Variants in ADAMTSL1 observed in about 807,000 individuals in gnomAD.
ADAMTSL1 encodes ADAMTS-like protein 1.
In ADAMTSL1, 126 loss-of-function variants were observed where a neutral mutation model predicts 201.8. The ratio of observed to expected loss-of-function variants is 0.62; its 90% CI spans 0.54 to 0.72. ADAMTSL1 has a LOEUF of 0.72. Among genes scored for constraint, ADAMTSL1 ranks in the 30% least tolerant of loss-of-function variants. ADAMTSL1 has a pLI of 0.00. For missense variants in ADAMTSL1, 2,679 were observed against 2,277.8 expected (o/e 1.18, Z -3.59); for synonymous variants, 1,121 against 903.4 (o/e 1.24, Z -4.32).
chr9:17,934,917 A>AAC (rs1368022574), intron 1 of ADAMTSL1, among the ~76,000 whole-genome samples: 3 of 152,030 alleles, frequency 2.0e-5, no homozygotes, highest in African/African-American at 7.2e-5. Context: ...AAAAAAAAAA[A>AAC]AAAACTTCTG....
chr9:18,412,983 A>G (rs894480615), intron 2 of ADAMTSL1, among the ~76,000 whole-genome samples: 1 of 152,024 alleles, frequency 6.6e-6, no homozygotes, highest in Non-Finnish European at 1.5e-5. Context: ...TGTGTTTTCT[A>G]TACACATTGC....
At chr9:18,626,241 A>G (rs1587734212) in intron 5 of ADAMTSL1, among the ~76,000 whole-genome samples, 1 of 152,332 alleles carries the variant, frequency 6.6e-6, no homozygotes, top group Admixed American at 6.5e-5. Context: ...TTATCTTCCT[A>G]GGAGCCATGG....
chr9:18,038,328 C>T (rs1312910051), intron 1 of ADAMTSL1, among the ~76,000 whole-genome samples: 3 of 152,100 alleles, frequency 2.0e-5, no homozygotes, highest in South Asian at 2.1e-4. Flanking sequence ...ATGGTCCATT[C>T]TCTCTATACT....
rs1825300572 is a variant in ADAMTSL1 at position 18,610,484 on chromosome 9, G to A, written c.475-11759G>A. Among the ~76,000 whole-genome samples, 3 of 152,260 alleles carry A rather than the reference G, an allele frequency of 2.0e-5. No homozygotes were observed. The South Asian group carries it at 6.2e-4, about 32-fold the overall frequency. ...TTCTCTCCAGGCTCTACCCTAAAGAGACCCAATTTAGACAGATAGAAATGG... is the reference window on the plus strand; with the variant it reads ...TTCTCTCCAGGCTCTACCCTAAAGAAACCCAATTTAGACAGATAGAAATGG... On this transcript the variant is annotated intron_variant, in intron 4 of 28. Coordinates refer to ENST00000380548, the MANE Select transcript of ADAMTSL1 (RefSeq NM_001040272.6).
chr9:18,584,426 C>G (rs1823341919), intron 4 of ADAMTSL1, among the ~76,000 whole-genome samples: 1 of 152,088 alleles, frequency 6.6e-6, no homozygotes, highest in Non-Finnish European at 1.5e-5. Flanking sequence ...GTAAATTGCT[C>G]AGTCTCAGGT....
intron 3 of ADAMTSL1, among the ~76,000 whole-genome samples, chr9:18,549,822 G>C (rs1277354889): frequency 6.6e-6 from 1 of 151,912 alleles, no homozygotes. Context: ...CTAAAATCTT[G>C]CTTCTCAAAA....
Position 18,784,882 on chromosome 9 carries a change from G to A in ADAMTSL1, c.3677+6976G>A, listed in dbSNP as rs544661669. Among the ~76,000 whole-genome samples the A allele has an allele frequency of 2.0e-5, 3 of 152,278 alleles. No homozygotes were observed. In the South Asian group the frequency reaches 6.2e-4, roughly 32 times the overall value. ...CTCTCACTTAAAAAGTAATCGAGCT[G>A]GGGTGAGGCGCGGTGGCTCACGCCT... is the stretch of plus-strand genomic sequence containing the variant. On this transcript the variant is annotated intron_variant, in intron 19 of 28. Coordinates refer to ENST00000380548, the MANE Select transcript of ADAMTSL1 (RefSeq NM_001040272.6).
At chr9:18,782,079 C>A (rs1213021634) in intron 19 of ADAMTSL1, among the ~76,000 whole-genome samples, 1 of 152,166 alleles carries the variant, frequency 6.6e-6, no homozygotes, top group African/African-American at 2.4e-5. Flanking sequence ...ATCCCTACTT[C>A]CTTTTTCCTT....
chr9:18,352,566 T>C (rs1372148128), intron 2 of ADAMTSL1, among the ~76,000 whole-genome samples: 2 of 152,198 alleles, frequency 1.3e-5, no homozygotes, highest in Admixed American at 1.3e-4. Context: ...TTCCTTTCTA[T>C]CCCAGTGTTA....
chr9:18,906,129 G>GTGT (rs1830298015), intron 27 of ADAMTSL1, among the ~76,000 whole-genome samples: 1 of 152,176 alleles, frequency 6.6e-6, no homozygotes, highest in African/African-American at 2.4e-5. Flanking sequence ...GAGTGCAAGG[G>GTGT]TGTTATTCTT....
In ADAMTSL1 at chr9:18,777,060, T is replaced by G; in HGVS notation, c.2831T>G (p.Val944Gly). 6.2e-7 allele frequency: 1 copy of G among 1,613,278 alleles called. No homozygotes were observed. The change falls in exon 19 of 29, where the codon GTC becomes GGC. Residue 944 changes from valine (V) to glycine (G), a missense_variant. By Grantham distance (109) the Val-to-Gly change is moderately radical. Coordinates refer to ENST00000380548, the MANE Select transcript of ADAMTSL1 (RefSeq NM_001040272.6). The stretch of plus-strand genomic sequence containing the variant: ...CGCCTCAAGCCCTCGGATGCAGGCG[T>G]CTACACCTGCTCAGCGGGCCCGGCC... ...IHRLKPSDAG[V>G]YTCSAGPARE...
At chr9:18,175,021 A>C (rs920289624) in intron 2 of ADAMTSL1, among the ~76,000 whole-genome samples, 1 of 152,212 alleles carries the variant, frequency 6.6e-6, no homozygotes, top group Non-Finnish European at 1.5e-5. Context: ...TTTTGCTAAG[A>C]GAAAATATCT....
At chr9:18,050,228 G>T (rs1054064943) in intron 1 of ADAMTSL1, among the ~76,000 whole-genome samples, 6 of 152,056 alleles carry the variant, frequency 3.9e-5, no homozygotes, top group African/African-American at 1.4e-4. Context: ...GGTATCTTAA[G>T]AATTAACTAG....
intron 2 of ADAMTSL1, among the ~76,000 whole-genome samples, chr9:18,526,592 A>G (rs1446287847): frequency 6.6e-6 from 1 of 152,056 alleles, no homozygotes; most frequent in African/African-American, 2.4e-5. Flanking sequence ...GTTCCTTTCC[A>G]TGTTTAGTGC....
At chr9:18,685,398 G>A (rs908443340) in intron 13 of ADAMTSL1, among the ~76,000 whole-genome samples, 2 of 152,298 alleles carry the variant, frequency 1.3e-5, no homozygotes, top group African/African-American at 4.8e-5. Context: ...AAATAGGAGA[G>A]ACAAAAGTAG....
rs141028822 is a variant in ADAMTSL1 at position 18,745,463 on chromosome 9, T to C, written c.2007-7835T>C. ...CTTTGAGCACTTCTCAATTTTCTGGTACAACATACTATTTCAGGCTCATTT... is the reference window on the plus strand; with the variant it reads ...CTTTGAGCACTTCTCAATTTTCTGGCACAACATACTATTTCAGGCTCATTT... On this transcript the variant is annotated intron_variant, in intron 15 of 28. Coordinates refer to ENST00000380548, the MANE Select transcript of ADAMTSL1 (RefSeq NM_001040272.6). Among the ~76,000 whole-genome samples, 20 of 152,326 alleles carry C rather than the reference T, an allele frequency of 1.3e-4. No individual in the cohort carries two copies. In the East Asian group the frequency reaches 3.9e-3, roughly 29 times the overall value.
intron 2 of ADAMTSL1, among the ~76,000 whole-genome samples, chr9:18,419,580 G>T (rs1818845149): frequency 6.6e-6 from 1 of 152,016 alleles, no homozygotes; most frequent in Non-Finnish European, 1.5e-5. Context: ...AAACAGACTG[G>T]TACCTTTGTA....
intron 2 of ADAMTSL1, among the ~76,000 whole-genome samples, chr9:18,508,589 ATTCCTGGGT>A (rs1243818128): frequency 6.6e-6 from 1 of 152,188 alleles, no homozygotes; most frequent in Non-Finnish European, 1.5e-5. Context: ...ATTAACAGAA[ATTCCTGGGT>A]TACAGCCTCA....
intron 2 of ADAMTSL1, among the ~76,000 whole-genome samples, chr9:18,408,929 T>TGA (rs1162732063): frequency 6.6e-6 from 1 of 152,174 alleles, no homozygotes; most frequent in Non-Finnish European, 1.5e-5. Context: ...TAAGTTTAAA[T>TGA]GAGAGAGAGA....
Sources: allele counts gnomAD v4.1 joint callset (sites outside exome capture counted in the v4.1 genomes callset), GRCh38; gene constraint gnomAD v4.1.1; transcripts MANE v1.5; gene names NCBI Gene and HGNC (gene_info 2026-07-23, HGNC 2026-07-21).